The following DSCAML1 variants were observed in gnomAD, a reference collection of about 807,000 sequenced individuals.
DSCAML1 encodes DS cell adhesion molecule like 1.
A neutral mutation model predicts 200.5 loss-of-function variants in DSCAML1; 38 were observed. The ratio of observed to expected loss-of-function variants is 0.19; its 90% CI spans 0.15 to 0.25. The LOEUF is 0.25. DSCAML1 is among the 10% of genes least tolerant of loss of function. The probability of loss-of-function intolerance (pLI) is 1.00; values close to 1 mark genes in which losing one functional copy is unlikely to be tolerated. For missense variants in DSCAML1, 2,223 were observed against 2,858.8 expected, an observed-to-expected ratio of 0.78 and a Z score of 5.07; for synonymous variants, 1,215 against 1,165.0, an observed-to-expected ratio of 1.04 and a Z score of -0.87.
At chr11:117,528,032 A>C (rs1455703567) in intron 4 of DSCAML1, among the ~76,000 whole-genome samples, 1 of 152,178 alleles carries the variant, frequency 6.6e-6, no homozygotes. Flanking sequence ...TCCAGACTTC[A>C]CAAGGCCGTT....
chr11:117,634,128 A>AG (rs2052228354), intron 3 of DSCAML1, among the ~76,000 whole-genome samples: 1 of 152,216 alleles, frequency 6.6e-6, no homozygotes, highest in African/African-American at 2.4e-5. Context: ...CCCAGGGCAG[A>AG]GGGGGACCGG....
intron 3 of DSCAML1, among the ~76,000 whole-genome samples, chr11:117,687,085 G>T (rs2053412335): frequency 6.6e-6 from 1 of 152,140 alleles, no homozygotes; most frequent in South Asian, 2.1e-4. Flanking sequence ...GCAGAATGTG[G>T]ATGGGGGCAG....
intron 3 of DSCAML1, among the ~76,000 whole-genome samples, chr11:117,751,813 C>G (rs774890455): frequency 6.6e-6 from 1 of 152,176 alleles, no homozygotes; most frequent in South Asian, 2.1e-4. Context: ...TGGCTTTACC[C>G]TCTCCCAAGT....
intron 3 of DSCAML1, among the ~76,000 whole-genome samples, chr11:117,712,747 A>C (rs994101226): frequency 2.0e-5 from 3 of 152,094 alleles, no homozygotes; most frequent in Non-Finnish European, 4.4e-5. Flanking sequence ...ACCAAACCAG[A>C]GACAGCAGAG....
At chr11:117,456,464 T>C (rs1347408623) in intron 19 of DSCAML1, among the ~76,000 whole-genome samples, 2 of 151,962 alleles carry the variant, frequency 1.3e-5, no homozygotes, top group Non-Finnish European at 2.9e-5. Context: ...ACCTGTTAGT[T>C]GAGCGGCATT....
At chr11:117,747,815 C>T (rs73585234) in intron 3 of DSCAML1, among the ~76,000 whole-genome samples, 5,570 of 152,194 alleles carry the variant, frequency 0.037, 217 homozygotes, top group African/African-American at 0.09. Flanking sequence ...TTTTATAAAC[C>T]GCAGGAACCT....
At chr11:117,637,819 G>A (rs1279099169) in intron 3 of DSCAML1, among the ~76,000 whole-genome samples, 2 of 152,216 alleles carry the variant, frequency 1.3e-5, no homozygotes, top group Non-Finnish European at 1.5e-5. Context: ...CCAATGCACT[G>A]TGATTACATT....
At chr11:117,432,535 C>G (rs752385418) in intron 29 of DSCAML1, 31 bp from the exon 30 acceptor site, 3 of 1,596,622 alleles carry the variant, frequency 1.9e-6, no homozygotes, top group East Asian at 4.5e-5. Flanking sequence ...ACTGGGAGTC[C>G]TTTACAATTG....
intron 3 of DSCAML1, among the ~76,000 whole-genome samples, chr11:117,610,333 C>T (rs1044402935): frequency 6.6e-5 from 10 of 152,174 alleles, no homozygotes; most frequent in Non-Finnish European, 5.9e-5. Flanking sequence ...CCCCCACTGC[C>T]CCATTGCAAC....
chr11:117,513,040 A>G (rs1441482795), intron 8 of DSCAML1, among the ~76,000 whole-genome samples: 1 of 152,102 alleles, frequency 6.6e-6, no homozygotes, highest in Non-Finnish European at 1.5e-5. Context: ...AACAAACCCG[A>G]CCAAATGCTT....
At chr11:117,746,336 G>A (rs1466448913) in intron 3 of DSCAML1, among the ~76,000 whole-genome samples, 6 of 151,774 alleles carry the variant, frequency 4.0e-5, no homozygotes, top group Non-Finnish European at 8.8e-5. Flanking sequence ...ATGGGCATTT[G>A]GAAGCAGACC....
rs958579212 is a variant in DSCAML1, at chr11:117,437,657, G to T, written c.4432+238C>A. ...AGTAGAGGAGGAAGGGAGCTGGGAA[G>T]AGGCAAAGGAATGCCACCTTCGGCC... On this transcript the variant is annotated intron_variant, in intron 25 of 32. Coordinates refer to ENST00000651296, the MANE Select transcript of DSCAML1 (RefSeq NM_020693.4). This position sits in a 1 kb window ranked among gnomAD's most constrained non-coding sequence, Gnocchi z 5.3. 1.3e-5 allele frequency among the ~76,000 whole-genome samples: 2 copies of T among 152,162 alleles called. No individual in the cohort carries two copies. The highest frequency in any genetic ancestry group is 6.5e-5 in the Admixed American group (1 of 15,284).
intron 3 of DSCAML1, among the ~76,000 whole-genome samples, chr11:117,746,412 G>A (rs60816279): frequency 0.07 from 10,631 of 152,124 alleles, 592 homozygotes; most frequent in African/African-American, 0.15. Flanking sequence ...TGTGGTTGAG[G>A]TGCAGTGCCT....
intron 3 of DSCAML1, among the ~76,000 whole-genome samples, chr11:117,672,062 C>T (rs1286635780): frequency 4.1e-5 from 6 of 144,820 alleles, no homozygotes; most frequent in African/African-American, 1.6e-4. Context: ...GATCGCGCCA[C>T]TGCACTCCAG....
At chr11:117,608,392 C>T (rs962338732) in intron 3 of DSCAML1, among the ~76,000 whole-genome samples, 3 of 152,172 alleles carry the variant, frequency 2.0e-5, no homozygotes, top group Admixed American at 6.5e-5. Flanking sequence ...AACCCACAAT[C>T]CAACCCTCTC....
chr11:117,630,016 T>A (rs943604067), intron 3 of DSCAML1, among the ~76,000 whole-genome samples: 11 of 151,890 alleles, frequency 7.2e-5, no homozygotes, highest in Middle Eastern at 3.4e-3. Context: ...AAGAGAGAGA[T>A]GGGGAGAAGA....
In DSCAML1 at chr11:117,780,008, C is replaced by T. The variant is rs537889275; in HGVS notation, c.364+485G>A. 6.6e-6 allele frequency among the ~76,000 whole-genome samples: 1 copy of T among 151,924 alleles called. No individual in the cohort carries two copies. The highest frequency in any genetic ancestry group is 2.1e-4 in the South Asian group (1 of 4,792). On this transcript the variant is annotated intron_variant, in intron 2 of 32. Transcript: ENST00000651296. The surrounding 1 kb of genome is among the most constrained non-coding windows in gnomAD (Gnocchi z 4.8). ...TGAGCACCAACTCATTTAACCATCA[C>T]ACGTAGTGATACAGAGGTAGGTACT...
At chr11:117,578,051 A>G (rs1171746879) in intron 3 of DSCAML1, among the ~76,000 whole-genome samples, 2 of 151,208 alleles carry the variant, frequency 1.3e-5, no homozygotes, top group African/African-American at 4.9e-5. Flanking sequence ...CCTGACCAGC[A>G]TGGTGAAACC....
At chr11:117,552,134 T>C (rs933409164) in intron 3 of DSCAML1, among the ~76,000 whole-genome samples, 1 of 152,066 alleles carries the variant, frequency 6.6e-6, no homozygotes, top group Non-Finnish European at 1.5e-5. Context: ...GGCATGCACC[T>C]GGAAGGTGTC....
Sources: allele counts gnomAD v4.1 joint callset (sites outside exome capture counted in the v4.1 genomes callset), GRCh38; gene constraint gnomAD v4.1.1; non-coding constraint Gnocchi (gnomAD v3.1); transcripts MANE v1.5; gene names NCBI Gene and HGNC (gene_info 2026-07-23, HGNC 2026-07-21).